Variants in DLGAP2 observed in about 807,000 individuals in gnomAD.
DLGAP2 encodes the protein DLG associated protein 2.
A neutral mutation model predicts 100.3 loss-of-function variants in DLGAP2; 26 were observed. The ratio of observed to expected loss-of-function variants is 0.26; its 90% confidence interval spans 0.19 to 0.36. DLGAP2 has a LOEUF of 0.36. DLGAP2 is among the 10% of genes least tolerant of loss of function. The pLI, the probability that DLGAP2 is intolerant of heterozygous loss-of-function variation, is 1.00. For missense variants in DLGAP2, 1,858 were observed against 1,453.2 expected, an observed-to-expected ratio of 1.28 and a Z score of -4.53; for synonymous variants, 886 against 630.1, an observed-to-expected ratio of 1.41 and a Z score of -6.08.
chr8:1,295,255 G>C (rs750663812), intron 3 of DLGAP2, among the ~76,000 whole-genome samples: 1 of 152,168 alleles, frequency 6.6e-6, no homozygotes, highest in Non-Finnish European at 1.5e-5. Flanking sequence ...CCTCCATGCC[G>C]TCTCTTTCTT....
At chr8:1,685,579 G>C (rs936419391) in intron 12 of DLGAP2, among the ~76,000 whole-genome samples, 1 of 152,068 alleles carries the variant, frequency 6.6e-6, no homozygotes, top group South Asian at 2.1e-4. Context: ...AATGGTCATG[G>C]GGAAATCAGA....
chr8:850,342 A>G (rs190041153), intron 1 of DLGAP2, among the ~76,000 whole-genome samples: 4 of 152,300 alleles, frequency 2.6e-5, no homozygotes, highest in East Asian at 3.9e-4. Flanking sequence ...TGTTGCTACA[A>G]GTTAAAAGTT....
intron 2 of DLGAP2, among the ~76,000 whole-genome samples, chr8:986,340 T>A (rs1361873207): frequency 6.6e-6 from 1 of 152,234 alleles, no homozygotes; most frequent in Non-Finnish European, 1.5e-5. Flanking sequence ...AAAATTTCAC[T>A]TTAAGTTCTG....
intron 2 of DLGAP2, among the ~76,000 whole-genome samples, chr8:1,095,246 A>G (rs1804328977): frequency 6.6e-6 from 1 of 152,194 alleles, no homozygotes; most frequent in Non-Finnish European, 1.5e-5. Context: ...AGGCCCTCAT[A>G]GTTGCGTTAG....
At chr8:1,012,201 A>G (rs891721820) in intron 2 of DLGAP2, among the ~76,000 whole-genome samples, 15 of 152,144 alleles carry the variant, frequency 9.9e-5, no homozygotes, top group South Asian at 2.1e-4. Flanking sequence ...GTCCTCACTC[A>G]GGCCTGACAT....
chr8:1,594,567 A>G (rs754533983), intron 6 of DLGAP2, among the ~76,000 whole-genome samples: 35 of 152,106 alleles, frequency 2.3e-4, no homozygotes, highest in Non-Finnish European at 4.3e-4. Context: ...AGCAATAAAA[A>G]GAGTGAAGAA....
At chr8:987,504 C>T (rs1317819308) in intron 2 of DLGAP2, among the ~76,000 whole-genome samples, 5 of 152,142 alleles carry the variant, frequency 3.3e-5, no homozygotes, top group Non-Finnish European at 7.4e-5. Flanking sequence ...TGCCGGACGC[C>T]CCCACGACCT....
At chr8:1,664,273 G>A (rs907995715) in intron 8 of DLGAP2, among the ~76,000 whole-genome samples, 23 of 152,080 alleles carry the variant, frequency 1.5e-4, no homozygotes, top group Non-Finnish European at 2.4e-4. Flanking sequence ...AGCCCTTCCC[G>A]TGGTGGCATG....
At chr8:1,533,299 T>C (rs530042503) in intron 4 of DLGAP2, among the ~76,000 whole-genome samples, 5 of 151,764 alleles carry the variant, frequency 3.3e-5, no homozygotes, top group African/African-American at 9.7e-5. Flanking sequence ...GAGATCAAGA[T>C]CATCCTGGCT....
At chr8:1,377,407 G>A (rs932236391) in intron 3 of DLGAP2, among the ~76,000 whole-genome samples, 1 of 152,252 alleles carries the variant, frequency 6.6e-6, no homozygotes, top group Non-Finnish European at 1.5e-5. Flanking sequence ...AGCCAGGCGA[G>A]GTGGCAGGCG....
chr8:878,635 G>A (rs1351070897), intron 1 of DLGAP2, among the ~76,000 whole-genome samples: 1 of 152,168 alleles, frequency 6.6e-6, no homozygotes, highest in Non-Finnish European at 1.5e-5. Context: ...GTGTTGAGTG[G>A]TGGGAGGTGT....
At chr8:1,640,676 C>T (rs1045556129) in intron 8 of DLGAP2, among the ~76,000 whole-genome samples, 16 of 152,100 alleles carry the variant, frequency 1.1e-4, no homozygotes, top group African/African-American at 3.4e-4. Context: ...GGCTTGTACC[C>T]GGGACTCGGG....
intron 2 of DLGAP2, among the ~76,000 whole-genome samples, chr8:1,224,294 G>C (rs898295712): frequency 3.3e-5 from 5 of 152,186 alleles, no homozygotes; most frequent in African/African-American, 1.2e-4. Context: ...TCATATAAGA[G>C]ACATAATTGA....
intron 14 of DLGAP2, among the ~76,000 whole-genome samples, chr8:1,698,097 G>A (rs769713802): frequency 5.3e-5 from 8 of 152,230 alleles, no homozygotes; most frequent in South Asian, 2.1e-4. Context: ...TCATGAGAAC[G>A]AGAGCCAGAT....
chr8:1,512,241 C>T (rs549111722), intron 4 of DLGAP2, among the ~76,000 whole-genome samples: 69 of 152,314 alleles, frequency 4.5e-4, no homozygotes, highest in African/African-American at 1.6e-3. Context: ...TGTGCTCCTC[C>T]CCATAAATTT....
intron 2 of DLGAP2, among the ~76,000 whole-genome samples, chr8:1,117,035 T>G (rs958761429): frequency 6.6e-6 from 1 of 152,242 alleles, no homozygotes; most frequent in African/African-American, 2.4e-5. Context: ...AGATGAACCC[T>G]GTGCTTCTCT....
At chr8:1,248,981 G>C (rs1321829090) in intron 2 of DLGAP2, among the ~76,000 whole-genome samples, 2 of 152,176 alleles carry the variant, frequency 1.3e-5, no homozygotes, top group Non-Finnish European at 2.9e-5. Context: ...CAGCCACAAT[G>C]TAAGAGCAGG....
chr8:824,729 G>A (rs1167391174), intron 1 of DLGAP2, among the ~76,000 whole-genome samples: 1 of 152,090 alleles, frequency 6.6e-6, no homozygotes, highest in Admixed American at 6.5e-5. Context: ...CGATTCAGAG[G>A]ACCCAGGATC....
At chr8:1,187,815 C>T (rs1183931284) in intron 2 of DLGAP2, among the ~76,000 whole-genome samples, 5 of 129,564 alleles carry the variant, frequency 3.9e-5, no homozygotes, top group African/African-American at 7.7e-5. Flanking sequence ...CTCACACGCC[C>T]GGGACTTCCG....
Sources: allele counts gnomAD v4.1 joint callset (sites outside exome capture counted in the v4.1 genomes callset), GRCh38; gene constraint gnomAD v4.1.1; transcripts MANE v1.5; gene names NCBI Gene and HGNC (gene_info 2026-07-23, HGNC 2026-07-21).